The following GALNT17 variants were observed in gnomAD, a reference collection of about 807,000 sequenced individuals.
The protein encoded by GALNT17 is UDP-GalNAc:polypeptide N-acetylgalactosaminyltransferase-like 3.
GALNT17 carries 29 observed loss-of-function variants against 63.7 expected under a neutral mutation model. The ratio of observed to expected loss-of-function variants is 0.46; its 90% CI spans 0.34 to 0.62. GALNT17 has a LOEUF of 0.62. Among genes scored for constraint, GALNT17 ranks in the 20% least tolerant of loss-of-function variants. The pLI, the probability that GALNT17 is intolerant of heterozygous loss-of-function variation, is 0.01. For missense variants in GALNT17, 603 were observed against 799.6 expected (o/e 0.75, Z 2.97); for synonymous variants, 305 against 318.3 (o/e 0.96, Z 0.45).
intron 2 of GALNT17, among the ~76,000 whole-genome samples, chr7:71,342,456 A>G (rs1792021992): frequency 6.6e-6 from 1 of 152,180 alleles, no homozygotes; most frequent in Non-Finnish European, 1.5e-5. Context: ...TTTCAACATG[A>G]GATTTGGCTG....
At chr7:71,212,297 A>G (rs892801005) in intron 1 of GALNT17, among the ~76,000 whole-genome samples, 4 of 152,212 alleles carry the variant, frequency 2.6e-5, no homozygotes, top group Non-Finnish European at 4.4e-5. Context: ...CATGTTGTTG[A>G]ACCTGAGGGT....
chr7:71,604,671 C>T (rs1395996031), intron 6 of GALNT17, among the ~76,000 whole-genome samples: 1 of 152,180 alleles, frequency 6.6e-6, no homozygotes, highest in Non-Finnish European at 1.5e-5. Context: ...TACAATGCTT[C>T]CCTGTGGCTC....
At chr7:71,490,048 G>A (rs1260406540) in intron 5 of GALNT17, among the ~76,000 whole-genome samples, 4 of 151,948 alleles carry the variant, frequency 2.6e-5, no homozygotes, top group Non-Finnish European at 5.9e-5. Context: ...ACGAGGTCAG[G>A]AGTTTGAGAC....
At chr7:71,361,588 G>A (rs1792402490) in intron 2 of GALNT17, among the ~76,000 whole-genome samples, 5 of 152,082 alleles carry the variant, frequency 3.3e-5, no homozygotes, top group Admixed American at 3.3e-4. Context: ...CTGGCTACGA[G>A]GAGTTTTTTC....
At chr7:71,582,579 C>CA (rs1789652343) in intron 6 of GALNT17, among the ~76,000 whole-genome samples, 1 of 149,620 alleles carries the variant, frequency 6.7e-6, no homozygotes, top group South Asian at 2.1e-4. Flanking sequence ...GACTCCGTCT[C>CA]AAAAAAAGAA....
chr7:71,436,275 A>T (rs2116503405), intron 5 of GALNT17, among the ~76,000 whole-genome samples: 1 of 152,314 alleles, frequency 6.6e-6, no homozygotes, highest in South Asian at 2.1e-4. Flanking sequence ...CAAGAGTTGG[A>T]GGCTGCAGTG....
chr7:71,325,490 G>A (rs1428101735), intron 1 of GALNT17, among the ~76,000 whole-genome samples: 3 of 152,184 alleles, frequency 2.0e-5, no homozygotes, highest in Non-Finnish European at 2.9e-5. Flanking sequence ...TGGAGTTTGT[G>A]CCTCCATCGT....
chr7:71,563,422 A>T (rs1789288133), intron 5 of GALNT17, among the ~76,000 whole-genome samples: 1 of 151,968 alleles, frequency 6.6e-6, no homozygotes, highest in South Asian at 2.1e-4. Context: ...GCCAGATGGG[A>T]TGGGTGGTAG....
chr7:71,178,096 G>A (rs1379723572), intron 1 of GALNT17, among the ~76,000 whole-genome samples: 1 of 151,708 alleles, frequency 6.6e-6, no homozygotes, highest in African/African-American at 2.4e-5. Flanking sequence ...TTGTAGTGTG[G>A]GTCTGCTTAT....
At chr7:71,685,369 C>A (rs1436294067) in intron 9 of GALNT17, 2 of 152,172 alleles carry the variant, frequency 1.3e-5, no homozygotes, top group African/African-American at 4.8e-5. Context: ...CCCAGTGAAC[C>A]CTCTGGGGAC....
chr7:71,154,030 G>C, intron 1 of GALNT17, among the ~76,000 whole-genome samples: 1 of 152,166 alleles, frequency 6.6e-6, no homozygotes, highest in East Asian at 1.9e-4. Flanking sequence ...ATGATGCGCT[G>C]GCCTCCGTGA....
At chr7:71,315,044 CT>C (rs1396878886) in intron 1 of GALNT17, among the ~76,000 whole-genome samples, 1 of 152,224 alleles carries the variant, frequency 6.6e-6, no homozygotes, top group African/African-American at 2.4e-5. Flanking sequence ...CAATCCACCC[CT>C]GACTTTGGCA....
intron 1 of GALNT17, among the ~76,000 whole-genome samples, chr7:71,291,349 G>C (rs1790976353): frequency 6.6e-6 from 1 of 152,056 alleles, no homozygotes; most frequent in African/African-American, 2.4e-5. Flanking sequence ...TTTAATTCTT[G>C]TTACATTCCT....
intron 2 of GALNT17, among the ~76,000 whole-genome samples, chr7:71,346,758 G>T (rs1170322360): frequency 1.5e-5 from 2 of 136,860 alleles, no homozygotes; most frequent in Non-Finnish European, 3.1e-5. Flanking sequence ...GGGGGGCGGG[G>T]GTGGGTGGGT....
chr7:71,212,171 A>T (rs1173955725), intron 1 of GALNT17, among the ~76,000 whole-genome samples: 1 of 152,202 alleles, frequency 6.6e-6, no homozygotes, highest in Non-Finnish European at 1.5e-5. Flanking sequence ...TGCTGTGTGC[A>T]GCCTGGGGAC....
intron 1 of GALNT17, among the ~76,000 whole-genome samples, chr7:71,144,071 A>C (rs1429954720): frequency 6.6e-6 from 1 of 152,104 alleles, no homozygotes; most frequent in Non-Finnish European, 1.5e-5. Context: ...GAATTGCTGC[A>C]TTTGGAAAAT....
intron 1 of GALNT17, among the ~76,000 whole-genome samples, chr7:71,243,884 T>C (rs35310947): frequency 0.078 from 11,860 of 152,174 alleles, 515 homozygotes; most frequent in Non-Finnish European, 0.09. Context: ...GATGAGGTCA[T>C]GATGTCGTTG....
intron 6 of GALNT17, among the ~76,000 whole-genome samples, chr7:71,574,593 G>T (rs1230787298): frequency 6.6e-6 from 1 of 152,196 alleles, no homozygotes; most frequent in Non-Finnish European, 1.5e-5. Context: ...AGTGCTGCTG[G>T]TTGCAGAAAG....
chr7:71,485,344 G>A (rs918266077), intron 5 of GALNT17, among the ~76,000 whole-genome samples: 5 of 150,324 alleles, frequency 3.3e-5, no homozygotes, highest in East Asian at 4.0e-4. Context: ...CAATCATCCC[G>A]CCTTGGCGTC....
Sources: gnomAD v4.1 joint callset for allele counts (sites outside exome capture counted in the v4.1 genomes callset) on GRCh38, gnomAD v4.1.1 for gene constraint, MANE v1.5 for transcripts, NCBI Gene and HGNC (gene_info 2026-07-23, HGNC 2026-07-21) for gene names.